TTC3: variants seen among roughly 807,000 people sequenced by gnomAD.
TTC3 encodes E3 ubiquitin-protein ligase TTC3.
Under a neutral mutation model 249.6 loss-of-function variants are expected in TTC3, and 180 were observed. The ratio of observed to expected loss-of-function variants is 0.72; its 90% CI spans 0.64 to 0.82. TTC3 has a LOEUF of 0.82. Among genes scored for constraint, TTC3 ranks in the 40% least tolerant of loss-of-function variants. The pLI is 0.00. For synonymous variants in TTC3, 717 were observed against 805.0 expected (o/e 0.89, Z 1.85); for missense variants, 2,061 against 2,398.4 (o/e 0.86, Z 2.94).
chr21:37,148,099 G>A (rs957158555), intron 22 of TTC3, among the ~76,000 whole-genome samples: 1 of 152,132 alleles, frequency 6.6e-6, no homozygotes, highest in African/African-American at 2.4e-5. Flanking sequence ...TCTGGGCTGG[G>A]GTAGTGACCT....
At chr21:37,104,653 G>A (rs2074898575) in intron 10 of TTC3, among the ~76,000 whole-genome samples, 1 of 151,656 alleles carries the variant, frequency 6.6e-6, no homozygotes. Context: ...TGTTGTGTAG[G>A]TAGTGAGTTA....
intron 1 of TTC3, chr21:37,082,969 A>G: frequency 2.0e-6 from 2 of 984,896 alleles, no homozygotes; most frequent in Non-Finnish European, 2.4e-6. Flanking sequence ...TATTAAGTAA[A>G]TAGCAGTACA....
chr21:37,090,174 G>C, intron 5 of TTC3, 59 bp from the exon 6 acceptor site: 1 of 1,359,562 alleles, frequency 7.4e-7, no homozygotes, highest in South Asian at 1.3e-5. Context: ...TTTTCCGTTA[G>C]AAAATTCAAG....
chr21:37,187,234 T>G, intron 38 of TTC3, 89 bp downstream of exon 38: 1 of 960,446 alleles, frequency 1.0e-6, no homozygotes, highest in Non-Finnish European at 1.6e-6. Flanking sequence ...CAGACATTAC[T>G]GAAAAGTGTG....
At chr21:37,195,758 C>G in exon 42 of TTC3, 1 of 1,614,202 alleles carries the variant, frequency 6.2e-7, no homozygotes, top group Non-Finnish European at 8.5e-7. Context: ...CTGGAAACCA[C>G]GCAGCACTTC....
At chr21:37,113,709 A>G (rs928576250) in intron 11 of TTC3, among the ~76,000 whole-genome samples, 1 of 152,224 alleles carries the variant, frequency 6.6e-6, no homozygotes, top group Non-Finnish European at 1.5e-5. Context: ...ATGGAACCAA[A>G]AAAGAGCCCA....
Position 37,095,456 on chromosome 21 carries a change from T to C in TTC3, c.782+12T>C. ...GCCATTGAATATAGGTAAGAGCAAA[T>C]AGAACAAAAGAGATGCTTTTTCTAT... is the stretch of plus-strand genomic sequence containing the variant. On this transcript the variant is annotated intron_variant, in intron 9 of 45. Transcript: ENST00000355666. The C allele has an allele frequency of 6.5e-7, 1 of 1,532,360 alleles. No individual in the cohort carries two copies. The allele number at this position is 1,532,360 out of a possible 1,614,324, so 94.9% of individuals were successfully genotyped here.
At chr21:37,145,151 AGATGCTTT>A (rs1268948803) in intron 21 of TTC3, among the ~76,000 whole-genome samples, 3 of 152,246 alleles carry the variant, frequency 2.0e-5, no homozygotes, top group African/African-American at 7.2e-5. Flanking sequence ...AGAAGCATAA[AGATGCTTT>A]GCTTGTTCTA....
intron 18 of TTC3, among the ~76,000 whole-genome samples, chr21:37,138,360 C>G (rs1601710305): frequency 6.6e-6 from 1 of 152,256 alleles, no homozygotes; most frequent in South Asian, 2.1e-4. Flanking sequence ...AATAATATGA[C>G]TTTAATTATA....
Position 37,148,555 on chromosome 21 carries a change from C to T in TTC3, c.2026C>T (p.Arg676Cys), listed in dbSNP as rs747475282. 3.5e-5 allele frequency: 56 copies of T among 1,581,158 alleles called. No homozygotes were observed. Among genetic ancestry groups the T allele is most frequent in the Middle Eastern group, 3.6e-4 (2 of 5,624 alleles). Residue 676 changes from arginine to cysteine, a missense_variant, in exon 23 of 46, where the codon CGC (arginine) becomes TGC (cysteine). Arg to Cys is a radical substitution (Grantham distance 180, BLOSUM62 -3). Transcript: ENST00000355666. ...TTTTTTGTAACCCTAGGGTTTTATA[C>T]GCATCAGCTGTTGCCAGTACTGTAA...
In TTC3 at chr21:37,156,206, C is replaced by T. The variant is rs867038056; in HGVS notation, c.2741-449C>T. Among the ~76,000 whole-genome samples, 221 of 69,116 alleles carry T rather than the reference C, an allele frequency of 3.2e-3. 3 individuals are homozygous for T. The highest frequency in any genetic ancestry group is 0.02 in the African/African-American group (202 of 9,920). The allele number at this position is 69,116 out of a possible 152,430, so 45.3% of individuals were successfully genotyped here. ...CATTTACCACCATGCCTGGCTAACT[C>T]TTTTTTTTTTTGTAAAGATAGGGGT... On this transcript the variant is annotated intron_variant, in intron 27 of 45. Coordinates refer to ENST00000355666, the Ensembl canonical transcript of TTC3.
rs1432181654 is a variant in TTC3, at chr21:37,104,604, AAAAAAG to A, written c.846-3784_846-3779del. Reference sequence around the variant, plus strand: ...ACTCCGTCTCAAAAAAAAAAAAAAAAAAAAAGAAAGAAGTGCCTTTGAAGCATCCAA... The same window carrying A: ...ACTCCGTCTCAAAAAAAAAAAAAAAAAAAGAAGTGCCTTTGAAGCATCCAA... On this transcript the variant is annotated intron_variant, in intron 10 of 45. Transcript: ENST00000355666. Among the ~76,000 whole-genome samples, 256 of 151,948 alleles carry A rather than the reference AAAAAAG, an allele frequency of 1.7e-3. 1 individual carries two copies. The highest frequency in any genetic ancestry group is 2.4e-3 in the Non-Finnish European group (166 of 67,946).
intron 1 of TTC3, among the ~76,000 whole-genome samples, chr21:37,080,776 C>T (rs2071530381): frequency 2.0e-5 from 3 of 151,818 alleles, no homozygotes; most frequent in Non-Finnish European, 4.4e-5. Flanking sequence ...TGCTAATTTA[C>T]CTGGAATATT....
intron 1 of TTC3, chr21:37,082,678 C>G: frequency 1.0e-6 from 1 of 985,128 alleles, no homozygotes; most frequent in Non-Finnish European, 1.2e-6. Context: ...ACATGTTCCC[C>G]TATTTCTATG....
chr21:37,182,666 C>T lies in TTC3; in HGVS notation c.4618-108C>T, dbSNP rs2082865524. The T allele has an allele frequency of 2.6e-6, 3 of 1,172,472 alleles. No homozygotes were observed. The South Asian group carries it at 5.0e-5, about 19-fold the overall frequency. 72.6% of individuals were successfully genotyped at this position (1,172,472 alleles called of 1,614,324 possible). ...CAGCTTGGGAGTGTGTTCCACTGAA[C>T]TTAGGTCATTGTTTAAGCTATGGCA... On this transcript the variant is annotated intron_variant, in intron 35 of 45. Coordinates refer to ENST00000355666, the Ensembl canonical transcript of TTC3.
Position 37,157,141 on chromosome 21 carries a change from C to T in TTC3, c.2992+235C>T, listed in dbSNP as rs753212510. On this transcript the variant is annotated intron_variant, in intron 28 of 45. Transcript: ENST00000355666. ...GTAGGTATGTTATGCTAACAATACACAATGTTCTTCCCGTCTTAGATATTT... is the reference window on the plus strand; with the variant it reads ...GTAGGTATGTTATGCTAACAATACATAATGTTCTTCCCGTCTTAGATATTT... The T allele has an allele frequency of 3.5e-6, 5 of 1,430,482 alleles. No individual in the cohort carries two copies. The South Asian group carries it at 6.1e-5, about 17-fold the overall frequency. The allele number at this position is 1,430,482 out of a possible 1,614,324, so 88.6% of individuals were successfully genotyped here.
chr21:37,152,176 CT>C, intron 26 of TTC3, 147 bp downstream of exon 26: 3 of 1,004,640 alleles, frequency 3.0e-6, no homozygotes, highest in South Asian at 2.6e-5. Flanking sequence ...TCTTCTGTTA[CT>C]CGAAGACAGA....
chr21:37,073,545 C>A, intron 1 of TTC3, 72 bp downstream of exon 1: 1 of 950,142 alleles, frequency 1.1e-6, no homozygotes, highest in Non-Finnish European at 1.2e-6. Flanking sequence ...TGGGTTGGGT[C>A]CCGCGCGATG....
rs75807792 is a variant in TTC3, at chr21:37,171,569, T to C, written c.4468-1026T>C. 6.4e-4 allele frequency among the ~76,000 whole-genome samples: 98 copies of C among 152,352 alleles called. 1 individual carries two copies. The East Asian group carries it at 0.018, about 28-fold the overall frequency. ...TTCACGACAGCAAGTTACTATTCACTGTGATCCTTTTGCTGAATTAAGAAT... is the reference window on the plus strand; with the variant it reads ...TTCACGACAGCAAGTTACTATTCACCGTGATCCTTTTGCTGAATTAAGAAT... On this transcript the variant is annotated intron_variant, in intron 34 of 45. Coordinates refer to ENST00000355666, the Ensembl canonical transcript of TTC3.
Sources: allele counts gnomAD v4.1 joint callset (sites outside exome capture counted in the v4.1 genomes callset), GRCh38; gene constraint gnomAD v4.1.1; transcripts MANE v1.5; gene names NCBI Gene and HGNC (gene_info 2026-07-23, HGNC 2026-07-21).